The following AFDN variants were observed in gnomAD, a reference collection of about 807,000 sequenced individuals.
AFDN encodes the protein afadin.
In AFDN, 68 loss-of-function variants were observed where a neutral mutation model predicts 216.6. That is an observed-to-expected ratio of 0.31 (90% CI 0.26 to 0.38). The LOEUF (loss-of-function observed/expected upper bound fraction) is 0.38, where lower values mean the gene tolerates loss of function less well. Among genes scored for constraint, AFDN ranks in the 10% least tolerant of loss-of-function variants. The probability of loss-of-function intolerance (pLI) is 1.00; values close to 1 mark genes in which losing one functional copy is unlikely to be tolerated. For synonymous variants in AFDN, 868 were observed against 853.7 expected (o/e 1.02, Z -0.29); for missense variants, 2,136 against 2,342.0 (o/e 0.91, Z 1.82).
In AFDN at chr6:167,952,427, G is replaced by T. The variant is rs1472801583; in HGVS notation, c.4833+240G>T. 3.0e-6 allele frequency: 3 copies of T among 985,262 alleles called. No homozygotes were observed. In the African/African-American group the frequency reaches 5.2e-5, roughly 17 times the overall value. 61.0% of individuals were successfully genotyped at this position (985,262 alleles called of 1,614,324 possible). A position where few individuals can be genotyped will look rare whatever the true frequency, so the allele number is the denominator to read the frequency against. ...ATTAAATACAATTCAAATGGAACTT[G>T]ATTGTTTTCATTAGCAAACTCATAA... On this transcript the variant is annotated intron_variant, in intron 30 of 33. Transcript: ENST00000683244.
At position 167,948,447 on chromosome 6, in the gene AFDN, CAGATAG is replaced by C; in HGVS notation, c.3801_3806del (p.Asp1268_Ser1269del). On this transcript the variant is annotated inframe_deletion, in exon 29 of 34. Coordinates refer to ENST00000683244, the MANE Select transcript of AFDN (RefSeq NM_001386888.1). ...TATGAGGAAAAGCCACATATGCACA[CAGATAG>C]TAATCATTCCAGTATTGCAATTCAG... The C allele has an allele frequency of 6.2e-7, 1 of 1,614,176 alleles. No individual in the cohort carries two copies. The highest frequency in any genetic ancestry group is 8.5e-7 in the Non-Finnish European group (1 of 1,180,040).
intron 22 of AFDN, among the ~76,000 whole-genome samples, chr6:167,924,583 G>A (rs935801936): frequency 2.6e-5 from 4 of 152,136 alleles, no homozygotes; most frequent in Non-Finnish European, 5.9e-5. Context: ...ATTTTTTGCA[G>A]TCCTCCCCGT....
intron 13 of AFDN, among the ~76,000 whole-genome samples, chr6:167,909,424 T>C (rs1790112424): frequency 6.6e-6 from 1 of 152,104 alleles, no homozygotes; most frequent in South Asian, 2.1e-4. Context: ...AAAAATTAGT[T>C]AGCCAGTCTG....
At chr6:167,956,171 A>G (rs560456153) in intron 30 of AFDN, among the ~76,000 whole-genome samples, 8 of 149,270 alleles carry the variant, frequency 5.4e-5, no homozygotes, top group Non-Finnish European at 1.0e-4. Context: ...AAGAATTGGC[A>G]GGTTACCCTA....
chr6:167,964,223 A>G (rs1583073643), intron 31 of AFDN: 1 of 1,064,024 alleles, frequency 9.4e-7, no homozygotes. Context: ...AATGTCCAAA[A>G]CTCATGGGTT....
chr6:167,930,621 A>G (rs1389412246), intron 23 of AFDN, among the ~76,000 whole-genome samples: 1 of 152,110 alleles, frequency 6.6e-6, no homozygotes, highest in Non-Finnish European at 1.5e-5. Context: ...CATAGAGTAC[A>G]GTGTCAGCAA....
At chr6:167,959,842 T>G (rs1198768257) in intron 30 of AFDN, among the ~76,000 whole-genome samples, 1 of 148,592 alleles carries the variant, frequency 6.7e-6, no homozygotes, top group Non-Finnish European at 1.5e-5. Context: ...AGAATAACTT[T>G]CAGTCTGCAT....
At position 167,970,359 on chromosome 6, in the gene AFDN, A is replaced by G; in HGVS notation, c.*424A>G. ...ACTTTATTTTAGCTGTCAAGCAGAG[A>G]ATAGCTTGAACTATTCAGACTATTG... On this transcript the variant is annotated 3_prime_UTR_variant, in exon 34 of 34. Coordinates refer to ENST00000683244, the MANE Select transcript of AFDN (RefSeq NM_001386888.1). 1 of 254,358 alleles carries G rather than the reference A, an allele frequency of 3.9e-6. No individual in the cohort carries two copies. Among genetic ancestry groups the G allele is most frequent in the East Asian group, 6.5e-5 (1 of 15,378 alleles). 15.8% of individuals were successfully genotyped at this position (254,358 alleles called of 1,614,324 possible).
chr6:167,906,072 C>T (rs560639875), intron 12 of AFDN, among the ~76,000 whole-genome samples: 190 of 152,280 alleles, frequency 1.2e-3, no homozygotes, highest in Middle Eastern at 3.4e-3. Context: ...CACTGCACTC[C>T]AGCCTGGGTG....
At chr6:167,907,330 G>A (rs535344113) in intron 13 of AFDN, 41 bp downstream of exon 13, 3 of 1,473,456 alleles carry the variant, frequency 2.0e-6, no homozygotes, top group Admixed American at 1.7e-5. Flanking sequence ...AGTACTGAAA[G>A]TATTCCTAAA....
rs1255592763 is a variant in AFDN, at chr6:167,914,631, T to C, written c.2205-13T>C. ...TCATGCTAAGATTACTTAAATTGTC[T>C]ATGTATTTTCAGATACTTGGTTCAC... On this transcript the variant is annotated splice_polypyrimidine_tract_variant and intron_variant, in intron 17 of 33. Coordinates refer to ENST00000683244, the MANE Select transcript of AFDN (RefSeq NM_001386888.1). 3 of 1,560,506 alleles carry C rather than the reference T, an allele frequency of 1.9e-6. No individual in the cohort carries two copies. The highest frequency in any genetic ancestry group is 3.3e-5 in the Admixed American group (2 of 59,862).
chr6:167,855,656 C>G (rs898450580), intron 1 of AFDN, among the ~76,000 whole-genome samples: 1 of 152,106 alleles, frequency 6.6e-6, no homozygotes, highest in Non-Finnish European at 1.5e-5. Context: ...ATAGCTTTAA[C>G]AACTGTGGTT....
chr6:167,912,688 T>C (rs1204925684), intron 15 of AFDN, among the ~76,000 whole-genome samples: 1 of 152,212 alleles, frequency 6.6e-6, no homozygotes, highest in Non-Finnish European at 1.5e-5. Flanking sequence ...TGTTTCGAGT[T>C]GTGAGACACC....
intron 24 of AFDN, 78 bp downstream of exon 24, chr6:167,943,272 T>A: frequency 6.9e-7 from 1 of 1,459,686 alleles, no homozygotes; most frequent in Non-Finnish European, 9.6e-7. Context: ...CTGCTGATAC[T>A]TCTAGTTATG....
At chr6:167,948,138 A>G (rs1795544695) in intron 28 of AFDN, 155 bp from the exon 29 acceptor site, 1 of 804,148 alleles carries the variant, frequency 1.2e-6, no homozygotes, top group South Asian at 2.0e-5. Context: ...AGTCTGGGCA[A>G]AATGAAATGT....
chr6:167,934,396 G>T (rs1338544376), intron 23 of AFDN, among the ~76,000 whole-genome samples: 1 of 152,138 alleles, frequency 6.6e-6, no homozygotes, highest in East Asian at 1.9e-4. Flanking sequence ...TTTTAGAACT[G>T]ATTATTTCAC....
At chr6:167,967,470 A>G (rs73036618) in intron 32 of AFDN, among the ~76,000 whole-genome samples, 4,648 of 152,272 alleles carry the variant, frequency 0.031, 86 homozygotes, top group African/African-American at 0.042. Flanking sequence ...AGTATCTACA[A>G]TTTGGTACCT....
At chr6:167,834,048 C>T (rs755878982) in intron 1 of AFDN, among the ~76,000 whole-genome samples, 9 of 152,144 alleles carry the variant, frequency 5.9e-5, no homozygotes, top group Non-Finnish European at 1.0e-4. Context: ...TATTAGGTTA[C>T]ATTACATTAC....
intron 23 of AFDN, among the ~76,000 whole-genome samples, chr6:167,937,594 T>TA (rs11411132): frequency 0.99 from 150,562 of 152,258 alleles, 74,450 homozygotes; most frequent in Middle Eastern, 1. Context: ...GACAAACAGA[T>TA]TTTATAAATT....
Sources: gnomAD v4.1 joint callset for allele counts (sites outside exome capture counted in the v4.1 genomes callset) on GRCh38, gnomAD v4.1.1 for gene constraint, MANE v1.5 for transcripts, NCBI Gene and HGNC (gene_info 2026-07-23, HGNC 2026-07-21) for gene names.